Variants in CNBD1 observed in about 807,000 individuals in gnomAD.
The protein encoded by CNBD1 is cyclic nucleotide-binding domain-containing protein 1.
Under a neutral mutation model 54.4 loss-of-function variants are expected in CNBD1, and 71 were observed. The observed-to-expected ratio is 1.30, with a 90% CI of 1.08 to 1.59. The LOEUF (loss-of-function observed/expected upper bound fraction) is 1.59, where lower values mean the gene tolerates loss of function less well. Among genes scored for constraint, CNBD1 ranks in the 40% most tolerant of loss-of-function variants. The probability of loss-of-function intolerance (pLI) is 0.00; values close to 1 mark genes in which losing one functional copy is unlikely to be tolerated. For synonymous variants in CNBD1, 182 were observed against 170.7 expected, an observed-to-expected ratio of 1.07 and a Z score of -0.51; for missense variants, 659 against 518.0, an observed-to-expected ratio of 1.27 and a Z score of -2.64.
chr8:87,348,082 A>G (rs1810211070), intron 8 of CNBD1, among the ~76,000 whole-genome samples: 1 of 152,158 alleles, frequency 6.6e-6, no homozygotes, highest in Non-Finnish European at 1.5e-5. Flanking sequence ...ATGCCAAGTG[A>G]CAGGTACTTA....
At chr8:87,160,827 C>A (rs903061088) in intron 4 of CNBD1, among the ~76,000 whole-genome samples, 11 of 151,922 alleles carry the variant, frequency 7.2e-5, no homozygotes, top group Non-Finnish European at 1.6e-4. Flanking sequence ...GTTACAAACT[C>A]CAGGATGTAT....
chr8:87,274,415 C>A (rs2130860845), intron 6 of CNBD1, among the ~76,000 whole-genome samples: 1 of 145,426 alleles, frequency 6.9e-6, no homozygotes, highest in East Asian at 2.0e-4. Flanking sequence ...TATTTCTCCA[C>A]ATCCTCTCCA....
intron 4 of CNBD1, among the ~76,000 whole-genome samples, chr8:87,170,165 G>C (rs1813055730): frequency 6.6e-6 from 1 of 151,876 alleles, no homozygotes; most frequent in Admixed American, 6.6e-5. Flanking sequence ...TTTATTTGTA[G>C]CTATTGTAAA....
intron 2 of CNBD1, among the ~76,000 whole-genome samples, chr8:87,418,401 A>T (rs1266552664): frequency 1.3e-5 from 2 of 151,978 alleles, no homozygotes; most frequent in Non-Finnish European, 2.9e-5. Flanking sequence ...ACAAGTCGAA[A>T]AATTCTTAGA....
intron 2 of CNBD1, among the ~76,000 whole-genome samples, chr8:86,899,421 A>C (rs1312171854): frequency 6.6e-6 from 1 of 152,102 alleles, no homozygotes; most frequent in East Asian, 1.9e-4. Flanking sequence ...GTATTCTAGA[A>C]CATCATGTTG....
chr8:86,945,695 G>T (rs553194399), intron 4 of CNBD1, among the ~76,000 whole-genome samples: 1 of 152,264 alleles, frequency 6.6e-6, no homozygotes, highest in Admixed American at 6.5e-5. Context: ...AATAAAGAAC[G>T]GTGTGGATAC....
chr8:87,059,301 T>C (rs1056693815), intron 4 of CNBD1, among the ~76,000 whole-genome samples: 1 of 152,238 alleles, frequency 6.6e-6, no homozygotes, highest in Non-Finnish European at 1.5e-5. Context: ...AACATTTTCC[T>C]GTTTTCTTCT....
At chr8:87,200,133 C>T (rs1813825413) in intron 4 of CNBD1, among the ~76,000 whole-genome samples, 1 of 152,006 alleles carries the variant, frequency 6.6e-6, no homozygotes, top group African/African-American at 2.4e-5. Flanking sequence ...ATTGTACCAG[C>T]ACAAAGATAA....
At chr8:87,418,121 A>G (rs555215526) in intron 2 of CNBD1, among the ~76,000 whole-genome samples, 1 of 152,108 alleles carries the variant, frequency 6.6e-6, no homozygotes, top group South Asian at 2.1e-4. Context: ...AATATGACAC[A>G]AAGAGCACGC....
chr8:87,281,586 AT>A (rs1808602778), intron 6 of CNBD1, among the ~76,000 whole-genome samples: 1 of 57,774 alleles, frequency 1.7e-5, no homozygotes, highest in African/African-American at 5.8e-5. Context: ...ATATATATAT[AT>A]ATATATATAT....
At chr8:87,033,528 G>A (rs1169444454) in intron 4 of CNBD1, among the ~76,000 whole-genome samples, 1 of 152,046 alleles carries the variant, frequency 6.6e-6, no homozygotes, top group Non-Finnish European at 1.5e-5. Flanking sequence ...TTCCCCTCAG[G>A]GATCAGAGAT....
At chr8:87,392,179 A>C (rs1463690338) in intron 2 of CNBD1, among the ~76,000 whole-genome samples, 1 of 152,042 alleles carries the variant, frequency 6.6e-6, no homozygotes, top group Non-Finnish European at 1.5e-5. Context: ...ATGTGAAAAA[A>C]TTCGTGCTCT....
chr8:87,268,993 T>G (rs1369221742), intron 6 of CNBD1, among the ~76,000 whole-genome samples: 1 of 152,116 alleles, frequency 6.6e-6, no homozygotes, highest in Non-Finnish European at 1.5e-5. Flanking sequence ...ATAAATTATT[T>G]GCCATGGCTG....
At chr8:87,261,323 G>C (rs184086033) in intron 6 of CNBD1, among the ~76,000 whole-genome samples, 3 of 152,126 alleles carry the variant, frequency 2.0e-5, no homozygotes, top group African/African-American at 7.2e-5. Flanking sequence ...GGTACCTTGC[G>C]GGTTCAGTGC....
At chr8:86,932,677 T>C (rs1033296787) in intron 3 of CNBD1, among the ~76,000 whole-genome samples, 7 of 151,968 alleles carry the variant, frequency 4.6e-5, no homozygotes, top group South Asian at 2.1e-4. Context: ...AGAGAGAATA[T>C]TGGGGCCAGG....
At chr8:87,297,645 G>T (rs889333790) in intron 8 of CNBD1, among the ~76,000 whole-genome samples, 9 of 152,196 alleles carry the variant, frequency 5.9e-5, no homozygotes, top group Admixed American at 1.3e-4. Context: ...TCTGACGTTT[G>T]AATGTCCTTA....
intron 4 of CNBD1, among the ~76,000 whole-genome samples, chr8:87,198,137 A>C (rs561066776): frequency 1.1e-3 from 162 of 152,368 alleles, no homozygotes; most frequent in African/African-American, 3.5e-3. Context: ...AGCCTAGGTA[A>C]GAAAAGCAGA....
chr8:87,152,031 A>T lies in CNBD1; in HGVS notation c.432-53962A>T, dbSNP rs777280624. Among the ~76,000 whole-genome samples the T allele has an allele frequency of 3.3e-5, 5 of 152,094 alleles. No homozygotes were observed. The East Asian group carries it at 7.7e-4, about 23-fold the overall frequency. ...TAAAACCTCAAAAATGAGTCTAGGG[A>T]AGTTGAGGCTAGAATATAAAAGACC... On this transcript the variant is annotated intron_variant, in intron 4 of 10. Coordinates refer to ENST00000518476, the MANE Select transcript of CNBD1 (RefSeq NM_173538.3).
chr8:87,301,086 C>T (rs1808978722), intron 8 of CNBD1, among the ~76,000 whole-genome samples: 2 of 152,112 alleles, frequency 1.3e-5, no homozygotes, highest in South Asian at 4.2e-4. Flanking sequence ...CATACATAAA[C>T]TAGAAGACCT....
Sources: gnomAD v4.1 joint callset for allele counts (sites outside exome capture counted in the v4.1 genomes callset) on GRCh38, gnomAD v4.1.1 for gene constraint, MANE v1.5 for transcripts, NCBI Gene and HGNC (gene_info 2026-07-23, HGNC 2026-07-21) for gene names.